Variants in INVS observed in about 807,000 individuals in gnomAD.
The protein encoded by INVS is inversion of embryo turning homolog.
A neutral mutation model predicts 108.8 loss-of-function variants in INVS; 86 were observed. The ratio of observed to expected loss-of-function variants is 0.79; its 90% CI spans 0.66 to 0.95. INVS has a LOEUF of 0.95. Among genes scored for constraint, INVS ranks in the 40% least tolerant of loss-of-function variants. The pLI, the probability that INVS is intolerant of heterozygous loss-of-function variation, is 0.00. For missense variants in INVS, 1,169 were observed against 1,297.4 expected, an observed-to-expected ratio of 0.90 and a Z score of 1.52; for synonymous variants, 455 against 473.5, an observed-to-expected ratio of 0.96 and a Z score of 0.51.
chr9:100,298,294 AT>A, intron 16 of INVS: 1 of 1,299,180 alleles, frequency 7.7e-7, no homozygotes, highest in East Asian at 3.8e-5. Flanking sequence ...ATAAATGAAA[AT>A]ACTGTCACTC....
intron 3 of INVS, among the ~76,000 whole-genome samples, chr9:100,172,903 C>A (rs1168894564): frequency 6.6e-6 from 1 of 151,998 alleles, no homozygotes; most frequent in African/African-American, 2.4e-5. Flanking sequence ...ATATGAAAGC[C>A]CAGTGATAAT....
chr9:100,253,115 C>A lies in INVS; in HGVS notation c.1443C>A (p.Asp481Glu). The A allele has an allele frequency of 6.2e-7, 1 of 1,612,762 alleles. No individual in the cohort carries two copies. The highest frequency in any genetic ancestry group is 8.5e-7 in the Non-Finnish European group (1 of 1,178,944). Residue 481 changes from aspartate to glutamate, a missense_variant, in exon 10 of 17, where the codon GAC (aspartate) becomes GAA (glutamate). Around this residue, in one of 3 missense-constraint regions of INVS, gnomAD observed 271 missense variants for 363.8 expected, o/e 0.74. Coordinates refer to ENST00000262457, the MANE Select transcript of INVS (RefSeq NM_014425.5). ...CAGTTCTCATGGAAAACAATGCAGA[C>A]CCTAACATTCAAGACAAAGAGGTAG... is the stretch of plus-strand genomic sequence containing the variant. ...CMAVLMENNA[D>E]PNIQDKEGRT...
intron 11 of INVS, among the ~76,000 whole-genome samples, chr9:100,265,790 A>G (rs1832771844): frequency 6.6e-6 from 1 of 152,240 alleles, no homozygotes. Context: ...AAAAAGGACC[A>G]AACAGGCCAG....
intron 11 of INVS, among the ~76,000 whole-genome samples, chr9:100,267,019 TAAAAAAAAAAAA>T (rs11415703): frequency 1.5e-4 from 14 of 93,134 alleles, no homozygotes; most frequent in Non-Finnish European, 2.2e-4. Context: ...TTTGAAACTC[TAAAAAAAAAAAA>T]AAAAAAAAAA....
At chr9:100,117,771 C>G in intron 2 of INVS, 1 of 500,544 alleles carries the variant, frequency 2.0e-6, no homozygotes, top group Non-Finnish European at 3.5e-6. Context: ...CTCCAAAATT[C>G]ATATGTTTGA....
chr9:100,164,350 C>A (rs1045791661), intron 3 of INVS, among the ~76,000 whole-genome samples: 12 of 151,988 alleles, frequency 7.9e-5, no homozygotes, highest in Non-Finnish European at 1.3e-4. Flanking sequence ...TTAAATATAT[C>A]TTGAATTTTC....
intron 12 of INVS, 81 bp from the exon 13 acceptor site, chr9:100,284,239 T>G (rs963077851): frequency 6.5e-7 from 1 of 1,544,330 alleles, no homozygotes; most frequent in Non-Finnish European, 8.9e-7. Context: ...GTAGCTCCTC[T>G]TAAAATTTAA....
At chr9:100,222,894 G>A (rs1430579705) in intron 3 of INVS, among the ~76,000 whole-genome samples, 1 of 150,218 alleles carries the variant, frequency 6.7e-6, no homozygotes, top group Non-Finnish European at 1.5e-5. Flanking sequence ...GGAAATTTTA[G>A]CATCTTCCTT....
chr9:100,155,544 G>A (rs1828949594), intron 3 of INVS, among the ~76,000 whole-genome samples: 1 of 151,982 alleles, frequency 6.6e-6, no homozygotes, highest in Non-Finnish European at 1.5e-5. Flanking sequence ...TACCATGTTG[G>A]CCAGGCTGGT....
chr9:100,159,329 G>A (rs1220172145), intron 3 of INVS, among the ~76,000 whole-genome samples: 1 of 152,186 alleles, frequency 6.6e-6, no homozygotes, highest in Non-Finnish European at 1.5e-5. Flanking sequence ...TCAAAGGCTT[G>A]GAGATAAATA....
intron 4 of INVS, among the ~76,000 whole-genome samples, chr9:100,229,220 A>G (rs1233082175): frequency 6.6e-6 from 1 of 152,200 alleles, no homozygotes; most frequent in African/African-American, 2.4e-5. Context: ...CACCAGTATC[A>G]ATAATTTTGA....
chr9:100,121,386 C>CTTGG (rs1427911942), intron 2 of INVS, among the ~76,000 whole-genome samples: 7 of 152,286 alleles, frequency 4.6e-5, no homozygotes, highest in African/African-American at 1.7e-4. Flanking sequence ...GGCTGGAAGT[C>CTTGG]TTGGATGCCA....
chr9:100,161,372 A>ACAAAAC (rs1357620784), intron 3 of INVS, among the ~76,000 whole-genome samples: 9 of 148,990 alleles, frequency 6.0e-5, no homozygotes, highest in African/African-American at 2.2e-4. Flanking sequence ...CTCAAAAAAA[A>ACAAAAC]AAAAAAAAAA....
intron 3 of INVS, among the ~76,000 whole-genome samples, chr9:100,162,356 G>T (rs561545469): frequency 4.1e-4 from 62 of 152,094 alleles, no homozygotes; most frequent in Middle Eastern, 3.2e-3. Flanking sequence ...AATATCCAGG[G>T]TTGATTAACT....
intron 12 of INVS, among the ~76,000 whole-genome samples, chr9:100,282,750 A>C (rs1257675595): frequency 6.6e-6 from 1 of 152,168 alleles, no homozygotes; most frequent in African/African-American, 2.4e-5. Context: ...GGTGGGCCTT[A>C]CAAAAAATTG....
At chr9:100,208,750 G>A (rs1188493228) in intron 3 of INVS, among the ~76,000 whole-genome samples, 1 of 152,186 alleles carries the variant, frequency 6.6e-6, no homozygotes, top group Admixed American at 6.5e-5. Flanking sequence ...TTTGCTTGCA[G>A]TGTCACTGAG....
Position 100,261,095 on chromosome 9 carries a change from A to G in INVS, c.1465-3727A>G, listed in dbSNP as rs185455956. On this transcript the variant is annotated intron_variant, in intron 10 of 16. Coordinates refer to ENST00000262457, the MANE Select transcript of INVS (RefSeq NM_014425.5). The stretch of plus-strand genomic sequence containing the variant: ...ATTAAATTATTTTAACTCTTTAAAA[A>G]TATTTGCATGTTAATTATGTTTTCC... Among the ~76,000 whole-genome samples the G allele has an allele frequency of 2.0e-5, 3 of 152,286 alleles. No homozygotes were observed. The East Asian group carries it at 5.8e-4, about 29-fold the overall frequency.
At chr9:100,226,810 CAAAAAAAAAAAA>C (rs59853701) in intron 4 of INVS, among the ~76,000 whole-genome samples, 36 of 78,808 alleles carry the variant, frequency 4.6e-4, no homozygotes, top group Admixed American at 4.4e-3. Flanking sequence ...GAGACTGTCT[CAAAAAAAAAAAA>C]AAAAAAAAAA....
chr9:100,117,076 G>C, intron 2 of INVS: 1 of 1,229,312 alleles, frequency 8.1e-7, no homozygotes, highest in Admixed American at 2.1e-5. Flanking sequence ...AGCCGCAGCG[G>C]CCTGTCACCT....
Sources: allele counts gnomAD v4.1 joint callset (sites outside exome capture counted in the v4.1 genomes callset), GRCh38; gene constraint gnomAD v4.1.1; regional missense constraint gnomAD v4.1.1; transcripts MANE v1.5; gene names NCBI Gene and HGNC (gene_info 2026-07-23, HGNC 2026-07-21).